Variants in AMPD3 observed in about 807,000 individuals in gnomAD.
AMPD3 encodes the protein adenosine monophosphate deaminase 3.
Under a neutral mutation model 82.3 loss-of-function variants are expected in AMPD3, and 57 were observed. The ratio of observed to expected loss-of-function variants is 0.69; its 90% CI spans 0.56 to 0.86. The LOEUF (loss-of-function observed/expected upper bound fraction) is 0.86, where lower values mean the gene tolerates loss of function less well. AMPD3 is among the 40% of genes least tolerant of loss of function. The probability of loss-of-function intolerance (pLI) is 0.00; values close to 1 mark genes in which losing one functional copy is unlikely to be tolerated. For missense variants in AMPD3, 870 were observed against 1,003.8 expected (o/e 0.87, Z 1.80); for synonymous variants, 381 against 394.7 (o/e 0.97, Z 0.41).
intron 1 of AMPD3, chr11:10,455,817 GC>G (rs1302759070): frequency 1.3e-6 from 1 of 794,218 alleles, no homozygotes; most frequent in African/African-American, 1.9e-5. Flanking sequence ...CCTTGGGAGG[GC>G]TGCTTTAGGG....
At chr11:10,464,765 C>A (rs1166060091) in intron 2 of AMPD3, among the ~76,000 whole-genome samples, 1 of 152,204 alleles carries the variant, frequency 6.6e-6, no homozygotes, top group South Asian at 2.1e-4. Context: ...GGAGGACACC[C>A]TCTCCCCAGC....
chr11:10,495,799 G>A, intron 9 of AMPD3, 66 bp downstream of exon 9: 2 of 1,594,758 alleles, frequency 1.3e-6, no homozygotes, highest in East Asian at 2.2e-5. Flanking sequence ...CTCATGGGCT[G>A]CTGAGTCTGC....
chr11:10,490,770 A>G lies in AMPD3; in HGVS notation c.940-2579A>G, dbSNP rs534005451. On this transcript the variant is annotated intron_variant, in intron 6 of 14. Coordinates refer to ENST00000396553, the MANE Select transcript of AMPD3 (RefSeq NM_001025389.2). ...CAGAAAGCCCAGAATCCGCTGAGTC[A>G]TGCTGAGGTCATTGTACCAAGCTGT... Among the ~76,000 whole-genome samples the G allele has an allele frequency of 1.2e-3, 183 of 152,316 alleles. 1 individual carries two copies. The highest frequency in any genetic ancestry group is 4.2e-3 in the African/African-American group (175 of 41,576).
At chr11:10,504,441 G>A in intron 13 of AMPD3, 108 bp from the exon 14 acceptor site, 1 of 1,185,268 alleles carries the variant, frequency 8.4e-7, no homozygotes, top group Non-Finnish European at 1.3e-6. Flanking sequence ...GCCATTTAGT[G>A]AGGAAAAGTT....
chr11:10,467,142 G>A (rs977768766), intron 2 of AMPD3, among the ~76,000 whole-genome samples: 1 of 151,906 alleles, frequency 6.6e-6, no homozygotes, highest in African/African-American at 2.4e-5. Flanking sequence ...GCCAGCAAGG[G>A]AAAAAAACTG....
At chr11:10,485,157 G>T (rs1433150787) in intron 5 of AMPD3, 118 bp downstream of exon 5, 1 of 991,132 alleles carries the variant, frequency 1.0e-6, no homozygotes, top group Admixed American at 2.1e-5. Context: ...ATCCCAGAAA[G>T]AGCGCGGTTT....
At chr11:10,491,379 T>C (rs1042576128) in intron 6 of AMPD3, among the ~76,000 whole-genome samples, 1 of 151,936 alleles carries the variant, frequency 6.6e-6, no homozygotes, top group African/African-American at 2.4e-5. Flanking sequence ...GGATGAGGGG[T>C]TGGGGAGATG....
intron 10 of AMPD3, chr11:10,497,786 C>T (rs1048430134): frequency 1.4e-5 from 14 of 985,214 alleles, no homozygotes; most frequent in Middle Eastern, 5.2e-4. Context: ...CTTGACCCAG[C>T]GGAAATAGCT....
intron 11 of AMPD3, chr11:10,500,655 T>A (rs1232049698): frequency 1.0e-6 from 1 of 985,436 alleles, no homozygotes. Flanking sequence ...ACACCAACAA[T>A]GTCCACACGT....
intron 13 of AMPD3, among the ~76,000 whole-genome samples, chr11:10,503,508 G>C (rs1564859167): frequency 6.6e-6 from 1 of 152,062 alleles, no homozygotes; most frequent in Non-Finnish European, 1.5e-5. Context: ...CCAACCTCTT[G>C]GTCTCTGGAC....
chr11:10,504,503 A>G (rs368159472), intron 13 of AMPD3, 46 bp from the exon 14 acceptor site: 7 of 1,565,910 alleles, frequency 4.5e-6, no homozygotes, highest in Non-Finnish European at 6.2e-6. Flanking sequence ...AACGATTGAC[A>G]TGGATATCCC....
At chr11:10,469,778 G>A (rs960279549) in intron 2 of AMPD3, among the ~76,000 whole-genome samples, 14 of 152,160 alleles carry the variant, frequency 9.2e-5, no homozygotes, top group Middle Eastern at 3.2e-3. Context: ...GGTGGCTCAC[G>A]CCTGTAATCC....
At chr11:10,488,292 A>G (rs1849138592) in intron 6 of AMPD3, 1 of 985,416 alleles carries the variant, frequency 1.0e-6, no homozygotes, top group Non-Finnish European at 1.2e-6. Context: ...GGGGTGTTTG[A>G]TGGTGAGCAA....
At chr11:10,502,358 G>C (rs1849602841) in intron 12 of AMPD3, 1 of 985,460 alleles carries the variant, frequency 1.0e-6, no homozygotes, top group Non-Finnish European at 1.2e-6. Context: ...AAAACAGCTA[G>C]AGGGGGGCAT....
chr11:10,490,688 G>A (rs1352263433), intron 6 of AMPD3: 2 of 982,118 alleles, frequency 2.0e-6, no homozygotes, highest in African/African-American at 1.7e-5. Context: ...TGACTCATGG[G>A]GGTAAGGACA....
intron 1 of AMPD3, among the ~76,000 whole-genome samples, chr11:10,460,224 A>G (rs1430436952): frequency 6.6e-6 from 1 of 151,354 alleles, no homozygotes; most frequent in African/African-American, 2.4e-5. Context: ...CAGCCTCCCT[A>G]GCAGCTGGGA....
Position 10,478,538 on chromosome 11 carries a change from C to T in AMPD3, c.234C>T (p.Phe78=). Residue 78 remains phenylalanine, a synonymous_variant, in exon 3 of 15, where the codon TTC becomes TTT. Transcript: ENST00000396553. The stretch of plus-strand genomic sequence containing the variant: ...CCTTGGCTCTTAGAAAGAAAAGTTT[C>T]AAGATGATTCGGTCCCAGTCCCTGT... ...SVETAKRKKS[F]KMIRSQSLSL... The T allele has an allele frequency of 6.2e-7, 1 of 1,614,158 alleles. No individual in the cohort carries two copies. The highest frequency in any genetic ancestry group is 8.5e-7 in the Non-Finnish European group (1 of 1,180,028).
At chr11:10,450,413 G>A (rs1367230007), upstream of AMPD3, 1 of 985,454 alleles carries the variant, frequency 1.0e-6, no homozygotes, top group African/African-American at 1.8e-5. Flanking sequence ...AGAAACCAAT[G>A]CTTGCGGGTT....
intron 1 of AMPD3, chr11:10,455,858 G>A (rs1848077701): frequency 1.0e-6 from 1 of 971,282 alleles, no homozygotes; most frequent in South Asian, 4.8e-5. Context: ...AGGTCGGGCT[G>A]TACCTGAGAC....
Sources: allele counts gnomAD v4.1 joint callset (sites outside exome capture counted in the v4.1 genomes callset), GRCh38; gene constraint gnomAD v4.1.1; transcripts MANE v1.5; gene names NCBI Gene and HGNC (gene_info 2026-07-23, HGNC 2026-07-21).